Variants in GALK2 observed in about 807,000 individuals in gnomAD.
GALK2 encodes galactokinase 2.
A neutral mutation model predicts 52.4 loss-of-function variants in GALK2; 36 were observed. The observed-to-expected ratio is 0.69, with a 90% CI of 0.53 to 0.91. The LOEUF (loss-of-function observed/expected upper bound fraction) is 0.91. Among genes scored for constraint, GALK2 ranks in the 40% least tolerant of loss-of-function variants. The pLI is 0.00. For missense variants in GALK2, 579 were observed against 559.1 expected (o/e 1.04, Z -0.36); for synonymous variants, 176 against 199.1 (o/e 0.88, Z 0.98).
rs376462793 is a variant in GALK2 at position 49,286,705 on chromosome 15, A to G, written c.756+2987A>G. ...ATATGTGCAGAGAAACAGTTCTGTA[A>G]ACTTTTTAATATCAAGGGTTCAATG... On this transcript the variant is annotated intron_variant, in intron 7 of 9. Transcript: ENST00000560031. Among the ~76,000 whole-genome samples, 8 of 152,194 alleles carry G rather than the reference A, an allele frequency of 5.3e-5. No individual in the cohort carries two copies. The East Asian group carries it at 5.8e-4, about 11-fold the overall frequency.
Position 49,365,398 on chromosome 15 carries a change from C to G in GALK2, c.427-2093C>G, listed in dbSNP as rs1567159978. The stretch of plus-strand genomic sequence containing the variant: ...CATAGTATATATACGAAGAACCAGT[C>G]TAAACATCAACTCTTCTACAGTACG... On this transcript the variant is annotated intron_variant, in intron 3 of 3. Coordinates refer to the GALK2 transcript ENST00000558399. The G allele has an allele frequency of 5.3e-6, 6 of 1,121,986 alleles. No homozygotes were observed. In the African/African-American group the frequency reaches 6.1e-5, roughly 11 times the overall value. The allele number at this position is 1,121,986 out of a possible 1,614,324, so 69.5% of individuals were successfully genotyped here. A position where few individuals can be genotyped will look rare whatever the true frequency, so the allele number is the denominator to read the frequency against.
intron 8 of GALK2, among the ~76,000 whole-genome samples, chr15:49,303,857 G>A (rs2035323320): frequency 1.3e-5 from 2 of 152,196 alleles, no homozygotes; most frequent in Non-Finnish European, 2.9e-5. Context: ...GGGAAGAAAA[G>A]GAAAGGAAAA....
At chr15:49,196,955 A>G (rs1751715875) in intron 1 of GALK2, among the ~76,000 whole-genome samples, 2 of 152,354 alleles carry the variant, frequency 1.3e-5, no homozygotes, top group Admixed American at 6.5e-5. Flanking sequence ...TTAGCTAGGC[A>G]TGGCAGCATG....
chr15:49,293,488 C>T (rs912579915), intron 8 of GALK2, among the ~76,000 whole-genome samples: 2 of 152,244 alleles, frequency 1.3e-5, no homozygotes, highest in African/African-American at 2.4e-5. Context: ...TTTACTACAA[C>T]ACGGCCATGT....
rs1478520223 is a variant in GALK2 at position 49,170,362 on chromosome 15, G to T, written c.40G>T (p.Ala14Ser). The change falls in exon 1 of 10, where the codon GCA (alanine) becomes TCA (serine). Residue 14 changes from alanine (A) to serine (S), a missense_variant. Coordinates refer to ENST00000560031, the MANE Select transcript of GALK2 (RefSeq NM_002044.4). Reference protein sequence around the residue: ...ESPATRRVQVAEHPRLLKLKE... With the variant: ...ESPATRRVQVSEHPRLLKLKE... ...CCCTGCTACGCGTCGGGTCCAGGTG[G>T]CAGAACATCCTAGGTGGGGGAGAGG... 1.3e-6 allele frequency: 2 copies of T among 1,592,294 alleles called. No homozygotes were observed. Among genetic ancestry groups the T allele is most frequent in the Admixed American group, 3.5e-5 (2 of 56,800 alleles).
At chr15:49,192,487 A>ATATATATATATATATATATG (rs2086816643) in intron 1 of GALK2, among the ~76,000 whole-genome samples, 4 of 23,888 alleles carry the variant, frequency 1.7e-4, no homozygotes, top group African/African-American at 7.5e-4. Context: ...ATATATATGT[A>ATATATATATATATATATATG]TATATATATA....
At chr15:49,312,843 C>G (rs1339609650) in intron 8 of GALK2, among the ~76,000 whole-genome samples, 1 of 152,166 alleles carries the variant, frequency 6.6e-6, no homozygotes, top group East Asian at 1.9e-4. Flanking sequence ...TACAGGAAGA[C>G]AGATTATAAT....
At chr15:49,350,953 G>A (rs533276977) in intron 3 of GALK2, among the ~76,000 whole-genome samples, 117 of 152,264 alleles carry the variant, frequency 7.7e-4, no homozygotes, top group Admixed American at 2.1e-3. Flanking sequence ...TTAAAAGCAC[G>A]TTGTTAAGGC....
At chr15:49,259,505 C>T (rs2091987051) in intron 5 of GALK2, among the ~76,000 whole-genome samples, 1 of 150,970 alleles carries the variant, frequency 6.6e-6, no homozygotes, top group Non-Finnish European at 1.5e-5. Flanking sequence ...CAGGTCCCTA[C>T]AAAGGACATG....
chr15:49,357,483 AG>A (rs2043364519), intron 3 of GALK2, among the ~76,000 whole-genome samples: 1 of 152,180 alleles, frequency 6.6e-6, no homozygotes, highest in African/African-American at 2.4e-5. Flanking sequence ...TAGAAAATCT[AG>A]AAGAAATAAT....
chr15:49,356,086 G>A (rs1313298529), intron 3 of GALK2, among the ~76,000 whole-genome samples: 1 of 151,924 alleles, frequency 6.6e-6, no homozygotes, highest in Non-Finnish European at 1.5e-5. Flanking sequence ...AGCTCCTGAA[G>A]GAAGCACTAA....
At chr15:49,268,754 T>C (rs8037288) in intron 5 of GALK2, among the ~76,000 whole-genome samples, 1 of 152,210 alleles carries the variant, frequency 6.6e-6, no homozygotes, top group South Asian at 2.1e-4. Flanking sequence ...CATCTTTTGC[T>C]CCATGGATTG....
intron 5 of GALK2, among the ~76,000 whole-genome samples, chr15:49,241,721 T>A (rs1490145921): frequency 6.6e-6 from 1 of 152,208 alleles, no homozygotes; most frequent in East Asian, 1.9e-4. Flanking sequence ...AAGGAATTCA[T>A]TTCACTTTTA....
chr15:49,318,929 T>G (rs1037763663), intron 8 of GALK2: 3 of 453,056 alleles, frequency 6.6e-6, no homozygotes, highest in African/African-American at 6.0e-5. Flanking sequence ...ATGAGAACTT[T>G]ATGAGGTAGT....
Position 49,197,121 on chromosome 15 carries a change from A to G in GALK2, c.54-4041A>G, listed in dbSNP as rs114449203. On this transcript the variant is annotated intron_variant, in intron 1 of 9. Transcript: ENST00000560031. ...ACTCTCTAAAGAAAGGTATCCTTCT[A>G]TGCACATTTAATGTGTAAGCTTAAA... 6.4e-3 allele frequency among the ~76,000 whole-genome samples: 971 copies of G among 152,344 alleles called. 15 individuals carry two copies. The highest frequency in any genetic ancestry group is 0.022 in the African/African-American group (915 of 41,580).
At chr15:49,261,369 G>T (rs1362637996) in intron 5 of GALK2, among the ~76,000 whole-genome samples, 3 of 146,106 alleles carry the variant, frequency 2.1e-5, no homozygotes, top group Non-Finnish European at 4.6e-5. Flanking sequence ...CTGTCTGTTT[G>T]TCTGTTATTG....
chr15:49,257,453 T>C (rs943328475), intron 5 of GALK2, among the ~76,000 whole-genome samples: 2 of 152,132 alleles, frequency 1.3e-5, no homozygotes, highest in African/African-American at 4.8e-5. Context: ...ATGGAGATGT[T>C]TCTAAAGGCA....
chr15:49,357,484 G>C (rs1017890335), intron 3 of GALK2, among the ~76,000 whole-genome samples: 34 of 152,098 alleles, frequency 2.2e-4, no homozygotes, highest in Middle Eastern at 3.2e-3. Context: ...AGAAAATCTA[G>C]AAGAAATAAT....
At chr15:49,162,340 A>G (rs2084681118) in intron 1 of GALK2, among the ~76,000 whole-genome samples, 1 of 152,194 alleles carries the variant, frequency 6.6e-6, no homozygotes, top group African/African-American at 2.4e-5. Context: ...TTTATTGCTG[A>G]ATATTCATTA....
Sources: gnomAD v4.1 joint callset for allele counts (sites outside exome capture counted in the v4.1 genomes callset) on GRCh38, gnomAD v4.1.1 for gene constraint, MANE v1.5 for transcripts, NCBI Gene and HGNC (gene_info 2026-07-23, HGNC 2026-07-21) for gene names.